Variants in NAALADL2 observed in about 807,000 individuals in gnomAD.
NAALADL2 encodes the protein inactive N-acetylated-alpha-linked acidic dipeptidase-like protein 2.
Under a neutral mutation model 87.2 loss-of-function variants are expected in NAALADL2, and 76 were observed. That is an observed-to-expected ratio of 0.87 (90% CI 0.72 to 1.05). The LOEUF is 1.05. NAALADL2 is among the 50% of genes least tolerant of loss of function. The pLI, the probability that NAALADL2 is intolerant of heterozygous loss-of-function variation, is 0.00. For missense variants in NAALADL2, 1,089 were observed against 945.8 expected (o/e 1.15, Z -1.99); for synonymous variants, 354 against 331.0 (o/e 1.07, Z -0.75).
At chr3:174,971,997 C>T (rs957878738) in intron 1 of NAALADL2, among the ~76,000 whole-genome samples, 7 of 152,122 alleles carry the variant, frequency 4.6e-5, no homozygotes, top group Non-Finnish European at 8.8e-5. Flanking sequence ...CGCGTCCAGC[C>T]GTGTTTTCTT....
chr3:175,522,468 G>GGT (rs1732786281), intron 9 of NAALADL2, among the ~76,000 whole-genome samples: 1 of 152,174 alleles, frequency 6.6e-6, no homozygotes, highest in African/African-American at 2.4e-5. Context: ...CGCTGAAATG[G>GGT]CATGCTCTGG....
intron 2 of NAALADL2, among the ~76,000 whole-genome samples, chr3:174,650,643 T>C (rs1467117640): frequency 6.6e-6 from 1 of 152,152 alleles, no homozygotes; most frequent in Non-Finnish European, 1.5e-5. Context: ...GTTAACTTGC[T>C]GAGAAATGAG....
intron 2 of NAALADL2, among the ~76,000 whole-genome samples, chr3:175,147,932 T>C (rs1485443261): frequency 6.6e-6 from 1 of 151,658 alleles, no homozygotes; most frequent in African/African-American, 2.4e-5. Flanking sequence ...TAGCCAGGCA[T>C]AGTGATGGAC....
At chr3:175,096,651 T>C in intron 1 of NAALADL2, 139 bp from the exon 2 acceptor site, 1 of 427,452 alleles carries the variant, frequency 2.3e-6, no homozygotes, top group Non-Finnish European at 4.0e-6. Context: ...AAATAAAATA[T>C]GAGTTTCTAT....
intron 5 of NAALADL2, among the ~76,000 whole-genome samples, chr3:175,349,146 AAGAG>A (rs748786337): frequency 7.2e-5 from 11 of 151,808 alleles, no homozygotes; most frequent in African/African-American, 2.2e-4. Flanking sequence ...ATAAGAATGA[AAGAG>A]AGAGAGAGAA....
At chr3:175,046,908 C>T (rs1754752003) in intron 1 of NAALADL2, among the ~76,000 whole-genome samples, 1 of 152,120 alleles carries the variant, frequency 6.6e-6, no homozygotes, top group Non-Finnish European at 1.5e-5. Context: ...ATCACATAAA[C>T]AATGGAAATG....
chr3:175,686,899 T>A (rs1736372606), intron 11 of NAALADL2, among the ~76,000 whole-genome samples: 1 of 152,206 alleles, frequency 6.6e-6, no homozygotes, highest in South Asian at 2.1e-4. Flanking sequence ...TATGAACAAG[T>A]TATCTTCTAT....
chr3:175,194,955 T>A (rs1738751783), intron 2 of NAALADL2, among the ~76,000 whole-genome samples: 1 of 151,636 alleles, frequency 6.6e-6, no homozygotes, highest in Non-Finnish European at 1.5e-5. Context: ...TTGGCTGGAG[T>A]CACCATTTAA....
At chr3:175,053,194 G>A (rs1755641636) in intron 1 of NAALADL2, among the ~76,000 whole-genome samples, 1 of 152,184 alleles carries the variant, frequency 6.6e-6, no homozygotes, top group South Asian at 2.1e-4. Flanking sequence ...ATGTCATAGA[G>A]TGATTACATC....
chr3:175,072,295 G>A (rs1715794236), intron 1 of NAALADL2, among the ~76,000 whole-genome samples: 2 of 151,946 alleles, frequency 1.3e-5, no homozygotes, highest in Admixed American at 1.3e-4. Flanking sequence ...ATCTGAAAAT[G>A]GGGATCATTA....
chr3:175,170,010 A>T (rs952992323), intron 2 of NAALADL2, among the ~76,000 whole-genome samples: 8 of 151,818 alleles, frequency 5.3e-5, no homozygotes, highest in African/African-American at 1.9e-4. Context: ...ACTTTAATAG[A>T]AGTGTTTGAA....
At chr3:175,483,248 G>A (rs531896944) in intron 9 of NAALADL2, among the ~76,000 whole-genome samples, 180 of 151,084 alleles carry the variant, frequency 1.2e-3, no homozygotes, top group Non-Finnish European at 2.2e-3. Flanking sequence ...GAGTCATTAA[G>A]TCTTTAGAAA....
intron 1 of NAALADL2, among the ~76,000 whole-genome samples, chr3:174,903,664 A>ACGT (rs1291696277): frequency 6.6e-6 from 1 of 152,084 alleles, no homozygotes; most frequent in East Asian, 1.9e-4. Flanking sequence ...ATTGATTTTG[A>ACGT]CAAGCATGCA....
At chr3:174,809,818 G>A (rs1242293513) in intron 3 of NAALADL2, among the ~76,000 whole-genome samples, 2 of 152,150 alleles carry the variant, frequency 1.3e-5, no homozygotes, top group African/African-American at 4.8e-5. Flanking sequence ...AATGTTGGAG[G>A]TGGGGCCTCA....
intron 10 of NAALADL2, among the ~76,000 whole-genome samples, chr3:175,608,640 A>G (rs1724124701): frequency 6.6e-6 from 1 of 151,930 alleles, no homozygotes; most frequent in Non-Finnish European, 1.5e-5. Context: ...ATCGTGTAGG[A>G]GTTATGAAAT....
intron 13 of NAALADL2, among the ~76,000 whole-genome samples, chr3:175,777,206 A>C (rs1411543369): frequency 1.3e-5 from 2 of 151,836 alleles, no homozygotes; most frequent in East Asian, 3.9e-4. Flanking sequence ...TTTCAAATTT[A>C]GCTCCTGTTG....
At chr3:175,328,291 T>C (rs951373524) in intron 5 of NAALADL2, among the ~76,000 whole-genome samples, 26 of 152,186 alleles carry the variant, frequency 1.7e-4, no homozygotes, top group African/African-American at 5.5e-4. Flanking sequence ...TTGAGTTCCT[T>C]ATGGTACTTT....
At chr3:175,697,934 T>C (rs201581793) in intron 11 of NAALADL2, among the ~76,000 whole-genome samples, 1 of 9,986 alleles carries the variant, frequency 1.0e-4, no homozygotes, top group African/African-American at 3.7e-4. Context: ...TGTATACATA[T>C]ATATGTGTAT....
intron 9 of NAALADL2, among the ~76,000 whole-genome samples, chr3:175,498,802 C>G: frequency 6.6e-6 from 1 of 152,046 alleles, no homozygotes; most frequent in Admixed American, 6.6e-5. Context: ...CCACAGTACC[C>G]CAGAATGTGA....
Sources: allele counts gnomAD v4.1 joint callset (sites outside exome capture counted in the v4.1 genomes callset), GRCh38; gene constraint gnomAD v4.1.1; transcripts MANE v1.5; gene names NCBI Gene and HGNC (gene_info 2026-07-23, HGNC 2026-07-21).